ADGRL2: variants seen among roughly 807,000 people sequenced by gnomAD.
ADGRL2 encodes calcium-independent alpha-latrotoxin receptor 2.
A neutral mutation model predicts 157.4 loss-of-function variants in ADGRL2; 44 were observed. The ratio of observed to expected loss-of-function variants is 0.28; its 90% CI spans 0.22 to 0.36. The LOEUF is 0.36. Ranked by LOEUF, ADGRL2 falls within the 10% of genes least tolerant of loss-of-function variation. The pLI, the probability that ADGRL2 is intolerant of heterozygous loss-of-function variation, is 1.00. For missense variants in ADGRL2, 1,510 were observed against 1,768.9 expected, an observed-to-expected ratio of 0.85 and a Z score of 2.63; for synonymous variants, 585 against 624.7, an observed-to-expected ratio of 0.94 and a Z score of 0.95.
intron 2 of ADGRL2, among the ~76,000 whole-genome samples, chr1:81,875,381 C>T (rs1178245639): frequency 6.6e-6 from 1 of 152,104 alleles, no homozygotes; most frequent in Non-Finnish European, 1.5e-5. Context: ...AGATCTATTT[C>T]TGTCATTTAA....
intron 1 of ADGRL2, among the ~76,000 whole-genome samples, chr1:81,362,311 A>T (rs948952601): frequency 9.2e-5 from 14 of 151,870 alleles, no homozygotes; most frequent in Non-Finnish European, 1.9e-4. Flanking sequence ...CAAAACTAAG[A>T]GCTGGTTAAA....
chr1:81,404,911 A>T (rs572366109), intron 1 of ADGRL2, among the ~76,000 whole-genome samples: 2 of 152,336 alleles, frequency 1.3e-5, no homozygotes, highest in African/African-American at 4.8e-5. Flanking sequence ...ATTAATATTT[A>T]TAGATTTGTA....
intron 2 of ADGRL2, among the ~76,000 whole-genome samples, chr1:81,464,078 C>G (rs2077998964): frequency 6.6e-6 from 1 of 151,924 alleles, no homozygotes; most frequent in Admixed American, 6.6e-5. Flanking sequence ...GTAGTATGCC[C>G]CAGCAGGAAA....
intron 2 of ADGRL2, among the ~76,000 whole-genome samples, chr1:81,493,304 T>C (rs2078670805): frequency 6.6e-6 from 1 of 152,210 alleles, no homozygotes; most frequent in African/African-American, 2.4e-5. Context: ...TGTATAACTC[T>C]AGCTAAAAGC....
chr1:81,598,766 G>A (rs2081284379), intron 3 of ADGRL2, among the ~76,000 whole-genome samples: 1 of 152,242 alleles, frequency 6.6e-6, no homozygotes, highest in African/African-American at 2.4e-5. Flanking sequence ...TCACGCCTCA[G>A]TTTCACAGTC....
At chr1:81,501,649 G>T (rs561601322) in intron 2 of ADGRL2, 42 of 1,323,978 alleles carry the variant, frequency 3.2e-5, no homozygotes, top group Non-Finnish European at 3.9e-5. Flanking sequence ...GGGCCTGAGC[G>T]GCCGCCTCCT....
At chr1:81,647,530 T>A (rs2082337547) in intron 3 of ADGRL2, among the ~76,000 whole-genome samples, 1 of 152,094 alleles carries the variant, frequency 6.6e-6, no homozygotes, top group Admixed American at 6.5e-5. Context: ...TACCTTCGGG[T>A]AATTTTACAT....
At chr1:81,856,360 A>G (rs766209542) in intron 2 of ADGRL2, among the ~76,000 whole-genome samples, 3 of 152,144 alleles carry the variant, frequency 2.0e-5, no homozygotes, top group Non-Finnish European at 2.9e-5. Flanking sequence ...TCCCAGTTCA[A>G]ATTCTTGAGA....
rs74861719 is a variant in ADGRL2, at chr1:81,467,113, T to G, written c.-248+22024T>G. 5.4e-3 allele frequency among the ~76,000 whole-genome samples: 815 copies of G among 152,040 alleles called. 5 individuals carry two copies. Among genetic ancestry groups the G allele is most frequent in the Non-Finnish European group, 8.5e-3 (581 of 67,960 alleles). Reference sequence around the variant, plus strand: ...GTCCTCATAATGTGGACAATAAGACTGCTGAACCTCATCCCCTTCTGTGAC... The same window carrying G: ...GTCCTCATAATGTGGACAATAAGACGGCTGAACCTCATCCCCTTCTGTGAC... On this transcript the variant is annotated intron_variant, in intron 2 of 24. Coordinates refer to the ADGRL2 transcript ENST00000370721.
intron 1 of ADGRL2, among the ~76,000 whole-genome samples, chr1:81,395,671 T>C (rs575832541): frequency 6.6e-6 from 1 of 152,310 alleles, no homozygotes; most frequent in South Asian, 2.1e-4. Flanking sequence ...GTTTTATAGT[T>C]TCAGTGTTTA....
chr1:81,520,389 T>C (rs970015144), intron 2 of ADGRL2, among the ~76,000 whole-genome samples: 1 of 151,760 alleles, frequency 6.6e-6, no homozygotes, highest in Non-Finnish European at 1.5e-5. Flanking sequence ...CACACACACA[T>C]ACACACACAT....
intron 3 of ADGRL2, among the ~76,000 whole-genome samples, chr1:81,655,745 T>C (rs1229834492): frequency 6.6e-6 from 1 of 152,170 alleles, no homozygotes; most frequent in African/African-American, 2.4e-5. Context: ...CTTGATCTTC[T>C]TTTTCTCTCT....
At chr1:81,968,226 G>A (rs765854081) in intron 14 of ADGRL2, 27 bp downstream of exon 14, 9 of 1,591,332 alleles carry the variant, frequency 5.7e-6, no homozygotes, top group Admixed American at 1.8e-5. Context: ...CTAATTAGTA[G>A]CAGAGAAAAA....
chr1:81,351,212 T>C (rs554495715), intron 1 of ADGRL2, among the ~76,000 whole-genome samples: 3 of 152,114 alleles, frequency 2.0e-5, no homozygotes, highest in African/African-American at 7.2e-5. Flanking sequence ...AGATGTTTTT[T>C]ATTTATTTGT....
chr1:81,443,835 C>G (rs994153076), intron 1 of ADGRL2, among the ~76,000 whole-genome samples: 1 of 152,110 alleles, frequency 6.6e-6, no homozygotes, highest in Non-Finnish European at 1.5e-5. Flanking sequence ...CCTTGTTAGG[C>G]AAATATTGCT....
At chr1:81,657,496 A>T (rs920279701) in intron 3 of ADGRL2, among the ~76,000 whole-genome samples, 1 of 152,210 alleles carries the variant, frequency 6.6e-6, no homozygotes, top group East Asian at 1.9e-4. Flanking sequence ...GACACATGGC[A>T]TATATTAATG....
intron 1 of ADGRL2, among the ~76,000 whole-genome samples, chr1:81,429,691 T>C (rs2077284562): frequency 6.6e-6 from 1 of 152,190 alleles, no homozygotes; most frequent in Non-Finnish European, 1.5e-5. Context: ...CTGTGGACAT[T>C]TTCTCTTGTC....
intron 2 of ADGRL2, among the ~76,000 whole-genome samples, chr1:81,480,967 AT>A: frequency 6.6e-6 from 1 of 152,334 alleles, no homozygotes; most frequent in Middle Eastern, 3.4e-3. Context: ...TCATAAGTAT[AT>A]TTCAGCATTT....
Position 81,746,670 on chromosome 1 carries a change from T to C in ADGRL2, c.-142-15141T>C, listed in dbSNP as rs947183160. 2.0e-5 allele frequency among the ~76,000 whole-genome samples: 3 copies of C among 152,254 alleles called. No homozygotes were observed. The South Asian group carries it at 6.2e-4, about 32-fold the overall frequency. On this transcript the variant is annotated intron_variant, in intron 1 of 20. Transcript: ENST00000359929. ...ATGAATTAGAAAAATGATATGTTTATAGTATATATTATTTTATCCTGTGAA... is the reference window on the plus strand; with the variant it reads ...ATGAATTAGAAAAATGATATGTTTACAGTATATATTATTTTATCCTGTGAA...
Sources: allele counts gnomAD v4.1 joint callset (sites outside exome capture counted in the v4.1 genomes callset), GRCh38; gene constraint gnomAD v4.1.1; transcripts MANE v1.5; gene names NCBI Gene and HGNC (gene_info 2026-07-23, HGNC 2026-07-21).